Variants in RSRC1 observed in about 807,000 individuals in gnomAD.
RSRC1 encodes serine/Arginine-related protein 53.
Under a neutral mutation model 49.1 loss-of-function variants are expected in RSRC1, and 39 were observed. The ratio of observed to expected loss-of-function variants is 0.79; its 90% CI spans 0.61 to 1.04. RSRC1 has a LOEUF of 1.04. RSRC1 is among the 50% of genes least tolerant of loss of function. The pLI, the probability that RSRC1 is intolerant of heterozygous loss-of-function variation, is 0.00. For missense variants in RSRC1, 388 were observed against 402.4 expected (o/e 0.96, Z 0.31); for synonymous variants, 143 against 130.8 (o/e 1.09, Z -0.63).
intron 6 of RSRC1, among the ~76,000 whole-genome samples, chr3:158,434,448 T>G (rs6767072): frequency 0.075 from 11,381 of 152,008 alleles, 1,467 homozygotes; most frequent in African/African-American, 0.26. Context: ...ATTATTTTAT[T>G]ATAAAGGAAT....
At position 158,539,635 on chromosome 3, in the gene RSRC1, C is replaced by T. The variant is rs1251977096; in HGVS notation, c.759+2437C>T. ...ACCAGGTGGCAGCGCTACTCAAAGC[C>T]ATATATTTCATAGTAGCCATTTTGA... is the stretch of plus-strand genomic sequence containing the variant. On this transcript the variant is annotated intron_variant, in intron 8 of 9. Coordinates refer to ENST00000611884, the MANE Select transcript of RSRC1 (RefSeq NM_001271838.2). The surrounding 1 kb of genome is among the most constrained non-coding windows in gnomAD (Gnocchi z 4.1). Among the ~76,000 whole-genome samples the T allele has an allele frequency of 6.6e-6, 1 of 152,044 alleles. No individual in the cohort carries two copies. The highest frequency in any genetic ancestry group is 1.5e-5 in the Non-Finnish European group (1 of 67,986).
intron 4 of RSRC1, among the ~76,000 whole-genome samples, chr3:158,204,493 T>G (rs1327785433): frequency 6.6e-6 from 1 of 152,140 alleles, no homozygotes; most frequent in Non-Finnish European, 1.5e-5. Context: ...AGTTAGAAGT[T>G]AGATACCTGT....
At chr3:158,291,928 C>T (rs531340780) in intron 4 of RSRC1, among the ~76,000 whole-genome samples, 99 of 152,232 alleles carry the variant, frequency 6.5e-4, no homozygotes, top group African/African-American at 1.8e-3. Context: ...AGTTTTTAGA[C>T]GTAGAGTATA....
At chr3:158,422,537 C>T (rs1386190151) in intron 6 of RSRC1, among the ~76,000 whole-genome samples, 15 of 151,064 alleles carry the variant, frequency 9.9e-5, no homozygotes, top group Admixed American at 2.6e-4. Flanking sequence ...AATAAACATA[C>T]GTGTGCATGT....
At chr3:158,435,745 T>C (rs1736009787) in intron 6 of RSRC1, among the ~76,000 whole-genome samples, 1 of 151,776 alleles carries the variant, frequency 6.6e-6, no homozygotes. Context: ...TAAGCATGTT[T>C]ATACATGAGT....
At chr3:158,480,069 A>G (rs914499694) in intron 7 of RSRC1, among the ~76,000 whole-genome samples, 1 of 152,072 alleles carries the variant, frequency 6.6e-6, no homozygotes, top group Non-Finnish European at 1.5e-5. Flanking sequence ...TTCCCACAGC[A>G]TAGAAAACTA....
chr3:158,278,477 A>T (rs1442786142), intron 4 of RSRC1, among the ~76,000 whole-genome samples: 1 of 152,134 alleles, frequency 6.6e-6, no homozygotes, highest in African/African-American at 2.4e-5. Flanking sequence ...CATAATTTTC[A>T]TGGAGGCTAA....
intron 5 of RSRC1, among the ~76,000 whole-genome samples, chr3:158,298,476 G>C (rs902809879): frequency 3.3e-5 from 5 of 152,104 alleles, no homozygotes; most frequent in Non-Finnish European, 5.9e-5. Context: ...AGCTTTGAAA[G>C]AAGTGCACAG....
At chr3:158,517,236 A>G (rs1740615590) in intron 7 of RSRC1, among the ~76,000 whole-genome samples, 1 of 152,182 alleles carries the variant, frequency 6.6e-6, no homozygotes, top group Non-Finnish European at 1.5e-5. Flanking sequence ...TTGATTCTTG[A>G]GTATTGATTT....
intron 3 of RSRC1, among the ~76,000 whole-genome samples, chr3:158,151,936 A>G (rs1231342758): frequency 2.6e-5 from 4 of 152,196 alleles, no homozygotes; most frequent in Admixed American, 2.0e-4. Flanking sequence ...GTAGAGTAAA[A>G]TGAAACTTGT....
intron 7 of RSRC1, among the ~76,000 whole-genome samples, chr3:158,489,396 G>A (rs979698131): frequency 2.6e-5 from 4 of 152,210 alleles, no homozygotes; most frequent in South Asian, 2.1e-4. Context: ...ACCACCTGGT[G>A]TGGAATCTTC....
intron 7 of RSRC1, among the ~76,000 whole-genome samples, chr3:158,508,383 T>A (rs904791402): frequency 6.6e-6 from 1 of 152,106 alleles, no homozygotes; most frequent in Non-Finnish European, 1.5e-5. Context: ...CATTTGTGTC[T>A]CTACCCTCTC....
At chr3:158,494,636 T>G (rs1278528133) in intron 7 of RSRC1, among the ~76,000 whole-genome samples, 1 of 152,222 alleles carries the variant, frequency 6.6e-6, no homozygotes, top group Non-Finnish European at 1.5e-5. Flanking sequence ...TATTATACAC[T>G]GTACAAAAAT....
intron 4 of RSRC1, among the ~76,000 whole-genome samples, chr3:158,263,272 A>G (rs1030947388): frequency 2.6e-5 from 4 of 152,158 alleles, no homozygotes; most frequent in Non-Finnish European, 5.9e-5. Context: ...CTCTGTGACT[A>G]CTGAAACGAT....
At chr3:158,194,643 C>T (rs758188512) in intron 3 of RSRC1, among the ~76,000 whole-genome samples, 3 of 121,618 alleles carry the variant, frequency 2.5e-5, no homozygotes, top group Non-Finnish European at 3.4e-5. Flanking sequence ...GCTATCCCTC[C>T]CCCTCCCCCC....
intron 7 of RSRC1, among the ~76,000 whole-genome samples, chr3:158,494,160 C>G (rs1421899665): frequency 1.3e-5 from 2 of 152,122 alleles, no homozygotes; most frequent in African/African-American, 2.4e-5. Context: ...AGTATACTCT[C>G]ACAAACCTAG....
In RSRC1 at chr3:158,376,241, G is replaced by GA. The variant is rs539827941; in HGVS notation, c.583+21334dup. Among the ~76,000 whole-genome samples the GA allele has an allele frequency of 1.2e-4, 17 of 142,410 alleles. 1 individual carries two copies. In the South Asian group the frequency reaches 4.0e-3, roughly 33 times the overall value. 93.4% of individuals were successfully genotyped at this position (142,410 alleles called of 152,430 possible). A position where few individuals can be genotyped will look rare whatever the true frequency, so the allele number is the denominator to read the frequency against. On this transcript the variant is annotated intron_variant, in intron 6 of 9. Coordinates refer to ENST00000611884, the MANE Select transcript of RSRC1 (RefSeq NM_001271838.2). Reference sequence around the variant, plus strand: ...GAGTCTCACTCTGTCACCCAGGCTGGAGTGCAGTGGTGCAATATTGGCTCA... The same window carrying GA: ...GAGTCTCACTCTGTCACCCAGGCTGGAAGTGCAGTGGTGCAATATTGGCTCA...
At chr3:158,323,431 T>G (rs1272239069) in intron 5 of RSRC1, among the ~76,000 whole-genome samples, 1 of 152,224 alleles carries the variant, frequency 6.6e-6, no homozygotes, top group Admixed American at 6.5e-5. Context: ...TCTCCCGGAC[T>G]TCCAATCTTC....
At chr3:158,267,858 C>CTTTTTTTTTTTTTT (rs377128391) in intron 4 of RSRC1, among the ~76,000 whole-genome samples, 1 of 91,258 alleles carries the variant, frequency 1.1e-5, no homozygotes, top group African/African-American at 4.0e-5. Flanking sequence ...GTTTCCATAT[C>CTTTTTTTTTTTTTT]TATTTTTTTT....
Sources: gnomAD v4.1 joint callset for allele counts (sites outside exome capture counted in the v4.1 genomes callset) on GRCh38, gnomAD v4.1.1 for gene constraint, Gnocchi (gnomAD v3.1) non-coding constraint, MANE v1.5 for transcripts, NCBI Gene and HGNC (gene_info 2026-07-23, HGNC 2026-07-21) for gene names.